Variants in FLRT2 observed in about 807,000 individuals in gnomAD.
FLRT2 encodes leucine-rich repeat transmembrane protein FLRT2.
A neutral mutation model predicts 40.0 loss-of-function variants in FLRT2; 15 were observed. The ratio of observed to expected loss-of-function variants is 0.38; its 90% CI spans 0.25 to 0.58. The LOEUF is 0.58. FLRT2 is among the 20% of genes least tolerant of loss of function. The pLI is 0.71. For synonymous variants in FLRT2, 380 were observed against 336.8 expected (o/e 1.13, Z -1.41); for missense variants, 726 against 840.0 (o/e 0.86, Z 1.68).
chr14:85,619,809 A>G (rs72693226), intron 1 of FLRT2, among the ~76,000 whole-genome samples: 17,952 of 152,240 alleles, frequency 0.12, 1,319 homozygotes, highest in South Asian at 0.2. Context: ...TCTCTAATCT[A>G]AAAACAGATA....
chr14:85,585,796 C>T (rs2139882559), intron 1 of FLRT2, among the ~76,000 whole-genome samples: 1 of 152,036 alleles, frequency 6.6e-6, no homozygotes, highest in Admixed American at 6.5e-5. Flanking sequence ...CTTGCGGCAC[C>T]TGCCATGAGG....
chr14:85,622,429 C>G lies in FLRT2; in HGVS notation c.915C>G (p.Leu305=). 6.2e-7 allele frequency: 1 copy of G among 1,614,126 alleles called. No individual in the cohort carries two copies. The highest frequency in any genetic ancestry group is 1.7e-5 in the Admixed American group (1 of 60,012). ...ATAATCTCTCCAACCTGAAGCAGCTCACTGCTCGGAATAACCCTTGGTTTT... is the reference window on the plus strand; with the variant it reads ...ATAATCTCTCCAACCTGAAGCAGCTGACTGCTCGGAATAACCCTTGGTTTT... The part of the protein sequence containing the change: ...VFDNLSNLKQ[L]TARNNPWFCD... Residue 305 remains leucine (L), a synonymous_variant, in exon 2 of 2, where the codon CTC becomes CTG. Transcript: ENST00000330753.
chr14:85,595,632 A>C (rs1045682612), intron 1 of FLRT2, among the ~76,000 whole-genome samples: 1 of 152,170 alleles, frequency 6.6e-6, no homozygotes, highest in Admixed American at 6.5e-5. Flanking sequence ...GTCTATATGA[A>C]AAGAGCTTAG....
rs563121646 is a variant in FLRT2 at position 85,653,013 on chromosome 14, A to G, written c.*29516A>G. 1 of 152,286 alleles carries G rather than the reference A, an allele frequency of 6.6e-6. No individual in the cohort carries two copies. The highest frequency in any genetic ancestry group is 2.1e-4 in the South Asian group (1 of 4,832). 9.4% of individuals were successfully genotyped at this position (152,286 alleles called of 1,614,324 possible). ...ACCACATGAGAACAAATAAGGGAATATTAAGGTTTTAACTCAAGGCAGCTG... is the reference window on the plus strand; with the variant it reads ...ACCACATGAGAACAAATAAGGGAATGTTAAGGTTTTAACTCAAGGCAGCTG... On this transcript the variant is annotated 3_prime_UTR_variant, in exon 2 of 2. Coordinates refer to ENST00000330753, the MANE Select transcript of FLRT2 (RefSeq NM_013231.6).
intron 1 of FLRT2, among the ~76,000 whole-genome samples, chr14:85,609,545 CT>C (rs201162902): frequency 9.1e-4 from 138 of 152,290 alleles, no homozygotes; most frequent in East Asian, 4.2e-3. Flanking sequence ...TTCATTTAGT[CT>C]TGACCTCTTG....
chr14:85,546,740 C>T (rs1889302246), intron 1 of FLRT2, among the ~76,000 whole-genome samples: 1 of 152,306 alleles, frequency 6.6e-6, no homozygotes, highest in African/African-American at 2.4e-5. Context: ...ATGCATCCGT[C>T]AAGAATCAGC....
At chr14:85,532,096 G>T (rs567441952) in intron 1 of FLRT2, among the ~76,000 whole-genome samples, 1 of 152,266 alleles carries the variant, frequency 6.6e-6, no homozygotes, top group African/African-American at 2.4e-5. Context: ...AACTGAGGAC[G>T]AGTAGTGCGG....
rs984821187 is a variant in FLRT2 at position 85,652,602 on chromosome 14, A to T, written c.*29105A>T. 6.6e-6 allele frequency: 1 copy of T among 152,156 alleles called. No homozygotes were observed. Among genetic ancestry groups the T allele is most frequent in the Non-Finnish European group, 1.5e-5 (1 of 68,006 alleles). 9.4% of individuals were successfully genotyped at this position (152,156 alleles called of 1,614,324 possible). ...CTTTAAATAAATTTAAGATGACATT[A>T]TGACTTATTAGGCCACAGTTAAATA... On this transcript the variant is annotated 3_prime_UTR_variant, in exon 2 of 2. Transcript: ENST00000330753.
chr14:85,636,312 T>G lies in FLRT2; in HGVS notation c.*12815T>G, dbSNP rs985124022. 1 of 139,170 alleles carries G rather than the reference T, an allele frequency of 7.2e-6. No individual in the cohort carries two copies. The allele number at this position is 139,170 out of a possible 1,614,324, so 8.6% of individuals were successfully genotyped here. A position where few individuals can be genotyped will look rare whatever the true frequency, so the allele number is the denominator to read the frequency against. On this transcript the variant is annotated 3_prime_UTR_variant, in exon 2 of 2. Transcript: ENST00000330753. ...TTAATGGTATTTGTATTGCAAACAT[T>G]GAAATTCTACCTGGCAGTTTAAAGA...
intron 1 of FLRT2, among the ~76,000 whole-genome samples, chr14:85,566,220 C>A (rs1310706103): frequency 6.6e-6 from 1 of 151,998 alleles, no homozygotes; most frequent in Non-Finnish European, 1.5e-5. Flanking sequence ...GGTTAGAGAC[C>A]CACTATCACA....
chr14:85,538,209 A>G (rs546408323), intron 1 of FLRT2, among the ~76,000 whole-genome samples: 1 of 152,252 alleles, frequency 6.6e-6, no homozygotes, highest in East Asian at 1.9e-4. Flanking sequence ...ACCCAAACAA[A>G]GCAGTGTCAT....
At chr14:85,542,073 C>T (rs1028109014) in intron 1 of FLRT2, among the ~76,000 whole-genome samples, 1 of 152,144 alleles carries the variant, frequency 6.6e-6, no homozygotes, top group Non-Finnish European at 1.5e-5. Context: ...TTGCTTAAGG[C>T]TTATTCTATC....
Position 85,622,910 on chromosome 14 carries a change from G to C in FLRT2, c.1396G>C (p.Val466Leu), listed in dbSNP as rs755015167. The stretch of plus-strand genomic sequence containing the variant: ...GGGCCACAGTTTAGTAGGGGGCATC[G>C]TTCAGGAGCGCATAGTCAGCGGTGA... ...KMGHSLVGGIVQERIVSGEKQ... is the reference protein window; with the variant it reads ...KMGHSLVGGILQERIVSGEKQ... The change falls in exon 2 of 2, where the codon GTT becomes CTT. Residue 466 changes from valine to leucine, a missense_variant. This residue lies in a region of FLRT2 where 611 missense variants were observed against 690.0 expected (regional missense o/e 0.89). Coordinates refer to ENST00000330753, the MANE Select transcript of FLRT2 (RefSeq NM_013231.6). 2.3e-5 allele frequency: 37 copies of C among 1,614,068 alleles called. No individual in the cohort carries two copies. Among genetic ancestry groups the C allele is most frequent in the Non-Finnish European group, 3.1e-5 (36 of 1,180,044 alleles).
rs746584358 is a variant in FLRT2, at chr14:85,623,135, T to A, written c.1621T>A (p.Phe541Ile). 5 of 1,603,040 alleles carry A rather than the reference T, an allele frequency of 3.1e-6. No homozygotes were observed. The South Asian group carries it at 5.6e-5, about 18-fold the overall frequency. Residue 541 changes from phenylalanine to isoleucine, a missense_variant, in exon 2 of 2, where the codon TTT (phenylalanine) becomes ATT (isoleucine). Coordinates refer to ENST00000330753, the MANE Select transcript of FLRT2 (RefSeq NM_013231.6). ...QTTSHSMGSP[F>I]LLAGLIGGAV... ...GACGTCCCACAGCATGGGCTCCCCC[T>A]TTCTGCTGGCGGGCTTGATCGGGGG...
At chr14:85,557,946 G>A (rs756972251) in intron 1 of FLRT2, among the ~76,000 whole-genome samples, 1 of 152,096 alleles carries the variant, frequency 6.6e-6, no homozygotes, top group Non-Finnish European at 1.5e-5. Flanking sequence ...TGGTCAAACT[G>A]GGATCTTTTT....
At chr14:85,548,946 A>C (rs575256534) in intron 1 of FLRT2, among the ~76,000 whole-genome samples, 1 of 152,328 alleles carries the variant, frequency 6.6e-6, no homozygotes, top group Non-Finnish European at 1.5e-5. Flanking sequence ...GAAGAGAAGA[A>C]GTAGCTGGAC....
intron 1 of FLRT2, among the ~76,000 whole-genome samples, chr14:85,618,342 A>G (rs1893225952): frequency 1.3e-5 from 2 of 152,226 alleles, no homozygotes. Context: ...GGTTGCTTCT[A>G]TCACACTTTG....
At chr14:85,577,104 C>T (rs113928351) in intron 1 of FLRT2, among the ~76,000 whole-genome samples, 98 of 152,200 alleles carry the variant, frequency 6.4e-4, no homozygotes, top group African/African-American at 2.1e-3. Context: ...TTACCACTTG[C>T]GGTTTTCGCT....
rs201098749 is a variant in FLRT2 at position 85,643,397 on chromosome 14, CTTTTT to C, written c.*19904_*19908del. 1 of 108,130 alleles carries C rather than the reference CTTTTT, an allele frequency of 9.2e-6. No homozygotes were observed. The highest frequency in any genetic ancestry group is 3.5e-5 in the African/African-American group (1 of 28,234). 6.7% of individuals were successfully genotyped at this position (108,130 alleles called of 1,614,324 possible). On this transcript the variant is annotated 3_prime_UTR_variant, in exon 2 of 2. Transcript: ENST00000330753. The stretch of plus-strand genomic sequence containing the variant: ...TTCCTTTCTTTCCTTTCTCCTTTTT[CTTTTT>C]TTTGTTTTGAGACAGGTTCTCTCTC...
Sources: gnomAD v4.1 joint callset for allele counts (sites outside exome capture counted in the v4.1 genomes callset) on GRCh38, gnomAD v4.1.1 for gene constraint, gnomAD v4.1.1 regional missense constraint, MANE v1.5 for transcripts, NCBI Gene and HGNC (gene_info 2026-07-23, HGNC 2026-07-21) for gene names.